HPCA: variants seen among roughly 807,000 people sequenced by gnomAD.
HPCA encodes the protein neuron-specific calcium-binding protein hippocalcin.
In HPCA, 4 loss-of-function variants were observed where a neutral mutation model predicts 18.2. The observed-to-expected ratio is 0.22, with a 90% CI of 0.11 to 0.50. HPCA has a LOEUF of 0.50. Ranked by LOEUF, HPCA falls within the 20% of genes least tolerant of loss-of-function variation. HPCA has a pLI of 0.97. For missense variants in HPCA, 161 were observed against 265.8 expected, an observed-to-expected ratio of 0.61 and a Z score of 2.74; for synonymous variants, 93 against 103.5, an observed-to-expected ratio of 0.90 and a Z score of 0.61.
intron 1 of HPCA, among the ~76,000 whole-genome samples, chr1:32,887,789 G>A (rs1219494913): frequency 1.3e-5 from 2 of 152,204 alleles, no homozygotes. Flanking sequence ...GCATGTGTGA[G>A]ACATGTGGGG....
Position 32,889,622 on chromosome 1 carries a change from C to G in HPCA, c.378+346C>G, listed in dbSNP as rs1284372. Among the ~76,000 whole-genome samples, 150,487 of 152,322 alleles carry G rather than the reference C, an allele frequency of 0.99. 74,365 individuals carry two copies. Among genetic ancestry groups the G allele is most frequent in the East Asian group, 1 (5,182 of 5,182 alleles). On this transcript the variant is annotated intron_variant, in intron 2 of 3. Coordinates refer to ENST00000373467, the MANE Select transcript of HPCA (RefSeq NM_002143.3). This position sits in a 1 kb window ranked among gnomAD's most constrained non-coding sequence, Gnocchi z 4.6. ...TTAGGATATATTTCCTAAAAATAAG[C>G]ACATTCTCTTACATAACCCATAATA...
rs960793442 is a variant in HPCA at position 32,894,197 on chromosome 1, G to C, written c.*335G>C. 4 of 318,746 alleles carry C rather than the reference G, an allele frequency of 1.3e-5. No individual in the cohort carries two copies. Among genetic ancestry groups the C allele is most frequent in the African/African-American group, 2.1e-5 (1 of 47,436 alleles). 19.7% of individuals were successfully genotyped at this position (318,746 alleles called of 1,614,324 possible). ...TCTTGCAGGTCTCAGCTTGCGGGGT[G>C]GGGGGAGTCATGCCCAGGGGAGGAG... On this transcript the variant is annotated 3_prime_UTR_variant, in exon 4 of 4. Coordinates refer to ENST00000373467, the MANE Select transcript of HPCA (RefSeq NM_002143.3).
rs539982188 is a variant in HPCA at position 32,887,938 on chromosome 1, C to A, written c.-21-940C>A. Among the ~76,000 whole-genome samples the A allele has an allele frequency of 2.0e-5, 3 of 152,126 alleles. No homozygotes were observed. In the East Asian group the frequency reaches 5.8e-4, roughly 29 times the overall value. ...ACCCATGGGTGGGCGTGGGCTGGTA[C>A]GTGAGTGGCATGGGATCCAGGGTGT... On this transcript the variant is annotated intron_variant, in intron 1 of 3. Transcript: ENST00000373467.
rs556116178 is a variant in HPCA at position 32,889,908 on chromosome 1, C to G, written c.378+632C>G. The stretch of plus-strand genomic sequence containing the variant: ...ATGTCTAGTTGATCCTCATTTACAC[C>G]AGAGGAAACGGATGCTCAGAGAGAT... On this transcript the variant is annotated intron_variant, in intron 2 of 3. Coordinates refer to ENST00000373467, the MANE Select transcript of HPCA (RefSeq NM_002143.3). This position sits in a 1 kb window ranked among gnomAD's most constrained non-coding sequence, Gnocchi z 4.6. 1.3e-5 allele frequency among the ~76,000 whole-genome samples: 2 copies of G among 152,284 alleles called. No homozygotes were observed. Among genetic ancestry groups the G allele is most frequent in the South Asian group, 4.1e-4 (2 of 4,824 alleles).
chr1:32,892,610 G>C (rs1641468869), intron 2 of HPCA, among the ~76,000 whole-genome samples: 1 of 152,074 alleles, frequency 6.6e-6, no homozygotes, highest in African/African-American at 2.4e-5. Context: ...TCTGTGTTCG[G>C]AAAGAGCTTT....
rs1365411381 is a variant in HPCA, at chr1:32,893,659, G to C, written c.484+30G>C. The C allele has an allele frequency of 6.4e-7, 1 of 1,559,570 alleles. No homozygotes were observed. The highest frequency in any genetic ancestry group is 1.7e-5 in the Admixed American group (1 of 59,624). On this transcript the variant is annotated intron_variant, in intron 3 of 3. Transcript: ENST00000373467. The surrounding 1 kb of genome is among the most constrained non-coding windows in gnomAD (Gnocchi z 7.5). ...GGGGCAGGGGCGGGACGGGGTGGACGGGGCGGGCGCCTTTCCCTCCCTCCC... is the reference window on the plus strand; with the variant it reads ...GGGGCAGGGGCGGGACGGGGTGGACCGGGCGGGCGCCTTTCCCTCCCTCCC...
chr1:32,892,401 C>A (rs1394779480), intron 2 of HPCA, among the ~76,000 whole-genome samples: 1 of 152,160 alleles, frequency 6.6e-6, no homozygotes, highest in Non-Finnish European at 1.5e-5. Flanking sequence ...AAGGAAAAGT[C>A]CGCCAGGCTC....
In HPCA at chr1:32,889,215, G is replaced by C; in HGVS notation, c.317G>C (p.Ser106Thr). ...RLEQKLMWAF[S>T]MYDLDGNGYI... ...GAGCAGAAGCTCATGTGGGCCTTCA[G>C]CATGTATGACCTGGACGGCAACGGC... The change falls in exon 2 of 4, where the codon AGC becomes ACC. Residue 106 changes from serine to threonine, a missense_variant. Physicochemically the swap from Ser to Thr is moderately conservative, Grantham distance 58. Transcript: ENST00000373467. This position sits in a 1 kb window ranked among gnomAD's most constrained non-coding sequence, Gnocchi z 4.6. The C allele has an allele frequency of 1.9e-6, 3 of 1,614,270 alleles. No individual in the cohort carries two copies. Among genetic ancestry groups the C allele is most frequent in the Non-Finnish European group, 1.7e-6 (2 of 1,180,056 alleles).
In HPCA at chr1:32,889,588, CT is replaced by C. The variant is rs1281797660; in HGVS notation, c.378+313del. Among the ~76,000 whole-genome samples, 1 of 152,186 alleles carries C rather than the reference CT, an allele frequency of 6.6e-6. No individual in the cohort carries two copies. The highest frequency in any genetic ancestry group is 6.5e-5 in the Admixed American group (1 of 15,284). On this transcript the variant is annotated intron_variant, in intron 2 of 3. Transcript: ENST00000373467. The surrounding 1 kb of genome is among the most constrained non-coding windows in gnomAD (Gnocchi z 4.6). ...TGTTCTGAACATTGGCCCTTTACCC[CT>C]GGATACATTAGGATATATTTCCTAA... is the stretch of plus-strand genomic sequence containing the variant.
intron 1 of HPCA, among the ~76,000 whole-genome samples, chr1:32,887,361 C>A (rs1388050497): frequency 6.6e-6 from 1 of 152,210 alleles, no homozygotes; most frequent in East Asian, 1.9e-4. Flanking sequence ...CATGCACTCA[C>A]AACACACCCA....
At chr1:32,892,418 C>T (rs1641465383) in intron 2 of HPCA, among the ~76,000 whole-genome samples, 1 of 152,186 alleles carries the variant, frequency 6.6e-6, no homozygotes, top group Non-Finnish European at 1.5e-5. Flanking sequence ...GCTCTGGGCC[C>T]ATATGCACCC....
chr1:32,893,235 C>T lies in HPCA; in HGVS notation c.379-289C>T, dbSNP rs1193714921. On this transcript the variant is annotated intron_variant, in intron 2 of 3. Coordinates refer to ENST00000373467, the MANE Select transcript of HPCA (RefSeq NM_002143.3). The surrounding 1 kb of genome is among the most constrained non-coding windows in gnomAD (Gnocchi z 7.5). ...CGGGCCCCGGTGTCCTCCAACATCT[C>T]TCCTGACCCCTGCGCCCGCTCGGAG... Among the ~76,000 whole-genome samples, 1 of 152,148 alleles carries T rather than the reference C, an allele frequency of 6.6e-6. No individual in the cohort carries two copies. The highest frequency in any genetic ancestry group is 1.5e-5 in the Non-Finnish European group (1 of 68,024).
intron 2 of HPCA, among the ~76,000 whole-genome samples, chr1:32,890,585 G>C (rs1315970429): frequency 1.3e-5 from 2 of 152,234 alleles, no homozygotes; most frequent in Non-Finnish European, 2.9e-5. Context: ...GCAATTGTCT[G>C]TTATTATTTT....
In HPCA at chr1:32,893,734, C is replaced by T. The variant is rs1641511386; in HGVS notation, c.485-31C>T. ...CCTCCCCTCGCTAGGCTGCCGCCTC[C>T]TCCCCCATCACCGCTCCCCTCGCCC... On this transcript the variant is annotated intron_variant, in intron 3 of 3. Transcript: ENST00000373467. The surrounding 1 kb of genome is among the most constrained non-coding windows in gnomAD (Gnocchi z 7.5). The T allele has an allele frequency of 6.4e-7, 1 of 1,551,356 alleles. No homozygotes were observed. The highest frequency in any genetic ancestry group is 2.4e-5 in the East Asian group (1 of 41,778).
At chr1:32,890,733 G>A (rs1641440648) in intron 2 of HPCA, among the ~76,000 whole-genome samples, 1 of 152,080 alleles carries the variant, frequency 6.6e-6, no homozygotes, top group South Asian at 2.1e-4. Context: ...TTCCCTTCTG[G>A]TCCCTCAGCT....
intron 1 of HPCA, among the ~76,000 whole-genome samples, chr1:32,887,628 G>T (rs1040030841): frequency 1.3e-5 from 2 of 152,182 alleles, no homozygotes; most frequent in Non-Finnish European, 2.9e-5. Context: ...GCCCCGAGCA[G>T]GTCTGGGAAG....
chr1:32,891,480 G>C (rs187772065), intron 2 of HPCA, among the ~76,000 whole-genome samples: 25 of 152,304 alleles, frequency 1.6e-4, no homozygotes, highest in Middle Eastern at 3.4e-3. Flanking sequence ...GACAAGCTCA[G>C]TGACAGGGGT....
Position 32,889,998 on chromosome 1 carries a change from C to T in HPCA, c.378+722C>T, listed in dbSNP as rs1641428566. ...GCCATCTGGCACCACTGTCTACATT[C>T]CATCTGGATACCCAGCCATCTTCTA... On this transcript the variant is annotated intron_variant, in intron 2 of 3. Coordinates refer to ENST00000373467, the MANE Select transcript of HPCA (RefSeq NM_002143.3). This position sits in a 1 kb window ranked among gnomAD's most constrained non-coding sequence, Gnocchi z 4.6. Among the ~76,000 whole-genome samples the T allele has an allele frequency of 6.6e-6, 1 of 152,212 alleles. No homozygotes were observed. The highest frequency in any genetic ancestry group is 6.5e-5 in the Admixed American group (1 of 15,290).
chr1:32,886,076 G>A (rs1641357035), upstream of HPCA: 1 of 152,386 alleles, frequency 6.6e-6, no homozygotes, highest in South Asian at 2.1e-4. This position sits in a 1 kb window ranked among gnomAD's most constrained non-coding sequence, Gnocchi z 7.0. Context: ...GGGTGCCCAG[G>A]GTGCCAATTC....
Sources: allele counts gnomAD v4.1 joint callset (sites outside exome capture counted in the v4.1 genomes callset), GRCh38; gene constraint gnomAD v4.1.1; non-coding constraint Gnocchi (gnomAD v3.1); transcripts MANE v1.5; gene names NCBI Gene and HGNC (gene_info 2026-07-23, HGNC 2026-07-21).